The following EXOSC2 variants were observed in gnomAD, a reference collection of about 807,000 sequenced individuals.
EXOSC2 encodes the protein exosome component 2, also known as exosome complex component RRP4.
EXOSC2 carries 29 observed loss-of-function variants against 37.6 expected under a neutral mutation model. That is an observed-to-expected ratio of 0.77 (90% confidence interval 0.57 to 1.05). The LOEUF is 1.05. Ranked by LOEUF, EXOSC2 falls within the 50% of genes least tolerant of loss-of-function variation. The pLI, the probability that EXOSC2 is intolerant of heterozygous loss-of-function variation, is 0.00. For synonymous variants in EXOSC2, 119 were observed against 131.1 expected (o/e 0.91, Z 0.63); for missense variants, 346 against 365.6 (o/e 0.95, Z 0.44).
chr9:130,700,019 T>C (rs1564257412), intron 5 of EXOSC2, among the ~76,000 whole-genome samples: 1 of 152,090 alleles, frequency 6.6e-6, no homozygotes, highest in Non-Finnish European at 1.5e-5. Context: ...TTTTATGTTA[T>C]TTTTTAAATT....
chr9:130,695,664 CCTT>C (rs1364675282), intron 2 of EXOSC2, 71 bp downstream of exon 2: 2 of 1,332,666 alleles, frequency 1.5e-6, no homozygotes, highest in Non-Finnish European at 2.1e-6. Context: ...CCTGCCCCCT[CCTT>C]ATCCCCCACC....
rs1261632847 is a variant in EXOSC2, at chr9:130,694,560, T to A, written c.122+647T>A. On this transcript the variant is annotated intron_variant, in intron 1 of 8. Transcript: ENST00000372358. The surrounding 1 kb of genome is among the most constrained non-coding windows in gnomAD (Gnocchi z 4.0). The stretch of plus-strand genomic sequence containing the variant: ...TAATGAGGATTAAATGAGACAATTA[T>A]GTAAGAAAAGAAGTAAAACCAGCCA... Among the ~76,000 whole-genome samples the A allele has an allele frequency of 6.6e-6, 1 of 152,156 alleles. No homozygotes were observed.
chr9:130,701,608 T>C (rs946812247), intron 6 of EXOSC2: 11 of 986,724 alleles, frequency 1.1e-5, no homozygotes, highest in Non-Finnish European at 1.3e-5. Flanking sequence ...TGCAGTATGC[T>C]GACTTTCACA....
At position 130,694,320 on chromosome 9, in the gene EXOSC2, T is replaced by G. The variant is rs115127365; in HGVS notation, c.122+407T>G. The stretch of plus-strand genomic sequence containing the variant: ...CAGTTTAGAATCCGTAATTGTTCGA[T>G]CTTAGGGCAAACAGTTACATTGTGC... On this transcript the variant is annotated intron_variant, in intron 1 of 8. Transcript: ENST00000372358. The surrounding 1 kb of genome is among the most constrained non-coding windows in gnomAD (Gnocchi z 4.0). 4.1e-3 allele frequency among the ~76,000 whole-genome samples: 622 copies of G among 152,246 alleles called. 7 individuals carry two copies. Among genetic ancestry groups the G allele is most frequent in the African/African-American group, 0.014 (584 of 41,540 alleles).
chr9:130,694,874 TGG>T lies in EXOSC2; in HGVS notation c.123-617_123-616del, dbSNP rs1564254507. 1.1e-4 allele frequency among the ~76,000 whole-genome samples: 17 copies of T among 149,176 alleles called. No individual in the cohort carries two copies. The East Asian group carries it at 3.5e-3, about 31-fold the overall frequency. ...CACGCCACCATGCCTAGCTAATTTT[TGG>T]TTTTTTTTTTTTTTAGTAGAGACAG... On this transcript the variant is annotated intron_variant, in intron 1 of 8. Transcript: ENST00000372358. This position sits in a 1 kb window ranked among gnomAD's most constrained non-coding sequence, Gnocchi z 4.0.
Position 130,702,170 on chromosome 9 carries a change from C to A in EXOSC2, c.532C>A (p.Leu178Met), listed in dbSNP as rs1361350633. 1.9e-6 allele frequency: 3 copies of A among 1,614,118 alleles called. No homozygotes were observed. The highest frequency in any genetic ancestry group is 2.5e-6 in the Non-Finnish European group (3 of 1,180,028). Residue 178 changes from leucine (L) to methionine (M), a missense_variant, in exon 7 of 9, where the codon CTG becomes ATG. Transcript: ENST00000372358. ...GGTTTTGGTCCAGGTTTCCCCCTCC[C>A]TGGTGAAACGGCAGAAGACCCACTT... The part of the protein sequence containing the change: ...QGVLVQVSPS[L>M]VKRQKTHFHD...
chr9:130,702,868 C>T (rs2034001), intron 7 of EXOSC2, among the ~76,000 whole-genome samples, 185 bp from the exon 8 acceptor site: 7,422 of 152,254 alleles, frequency 0.049, 320 homozygotes, highest in African/African-American at 0.12. Context: ...GCTGGGATTA[C>T]AGACATGAGA....
intron 1 of EXOSC2, among the ~76,000 whole-genome samples, chr9:130,695,006 C>G (rs1052422525): frequency 6.6e-6 from 1 of 152,120 alleles, no homozygotes; most frequent in Admixed American, 6.5e-5. Context: ...AGCCACCATG[C>G]CTGGCCCCTA....
chr9:130,697,768 G>A, intron 3 of EXOSC2, 141 bp downstream of exon 3: 1 of 770,252 alleles, frequency 1.3e-6, no homozygotes, highest in Non-Finnish European at 2.2e-6. Context: ...GTAAATATGT[G>A]GCTTGTTCGA....
In EXOSC2 at chr9:130,693,880, G is replaced by T. The variant is rs537467155; in HGVS notation, c.89G>T (p.Gly30Val). The T allele has an allele frequency of 2.4e-5, 38 of 1,611,976 alleles. No homozygotes were observed. Among genetic ancestry groups the T allele is most frequent in the Middle Eastern group, 1.6e-4 (1 of 6,078 alleles). ...ACTAAGAAACATCTAGTGGTGCCGG[G>T]GGATACAATCACTACGGACACAGGA... ...RDTKKHLVVP[G>V]DTITTDTGFM... Residue 30 changes from glycine to valine, a missense_variant, in exon 1 of 9, where the codon GGG becomes GTG. Coordinates refer to ENST00000372358, the MANE Select transcript of EXOSC2 (RefSeq NM_014285.7).
Position 130,703,139 on chromosome 9 carries a change from T to C in EXOSC2, c.759T>C (p.Asp253=). Residue 253 remains aspartate, a synonymous_variant, in exon 8 of 9, where the codon GAT becomes GAC. Coordinates refer to ENST00000372358, the MANE Select transcript of EXOSC2 (RefSeq NM_014285.7). The part of the protein sequence containing the change: ...SLVTQRMMLY[D]TSILYCYEAS... ...TAACTCAGAGGATGATGCTGTATGA[T>C]ACCAGCATCCTGTACTGCTATGAAG... 1 of 1,613,910 alleles carries C rather than the reference T, an allele frequency of 6.2e-7. No homozygotes were observed. Among genetic ancestry groups the C allele is most frequent in the East Asian group, 2.2e-5 (1 of 44,886 alleles).
chr9:130,695,649 C>G (rs755257901), intron 2 of EXOSC2, 56 bp downstream of exon 2: 1 of 1,493,238 alleles, frequency 6.7e-7, no homozygotes, highest in Non-Finnish European at 9.3e-7. Flanking sequence ...TACAACCAGG[C>G]TTTTCCTGCC....
chr9:130,704,544 A>AG lies in EXOSC2; in HGVS notation c.*770_*771insG, dbSNP rs1831285749. On this transcript the variant is annotated 3_prime_UTR_variant, in exon 9 of 9. Transcript: ENST00000372358. Reference sequence around the variant, plus strand: ...GACTGTGTTTCAAAGAAAAAAAAAAACAAGCAGCCTTTTGCTTGGTTGGAA... The same window carrying AG: ...GACTGTGTTTCAAAGAAAAAAAAAAAGCAAGCAGCCTTTTGCTTGGTTGGAA... 1 of 151,878 alleles carries AG rather than the reference A, an allele frequency of 6.6e-6. No individual in the cohort carries two copies. Among genetic ancestry groups the AG allele is most frequent in the Non-Finnish European group, 1.5e-5 (1 of 67,954 alleles). 9.4% of individuals were successfully genotyped at this position (151,878 alleles called of 1,614,324 possible).
intron 8 of EXOSC2, 51 bp downstream of exon 8, chr9:130,703,232 T>G: frequency 6.4e-7 from 1 of 1,572,132 alleles, no homozygotes; most frequent in Non-Finnish European, 8.7e-7. Flanking sequence ...AGCTGCTCTG[T>G]TGTTTGTTCA....
intron 3 of EXOSC2, 114 bp downstream of exon 3, chr9:130,697,741 G>T: frequency 1.0e-6 from 1 of 955,180 alleles, no homozygotes; most frequent in Non-Finnish European, 1.7e-6. Flanking sequence ...GCATTTGGCC[G>T]TTGTGTGGCT....
At position 130,698,540 on chromosome 9, in the gene EXOSC2, CT is replaced by C. The variant is rs1831146570; in HGVS notation, c.360+294del. On this transcript the variant is annotated intron_variant, in intron 4 of 8. Transcript: ENST00000372358. This position sits in a 1 kb window ranked among gnomAD's most constrained non-coding sequence, Gnocchi z 4.1. ...TAGATGCTGGTTGTTAACAGTTTTC[CT>C]TTTTGGATATAACAGCCTTGCATAG... Among the ~76,000 whole-genome samples the C allele has an allele frequency of 1.3e-5, 2 of 152,184 alleles. No homozygotes were observed. The highest frequency in any genetic ancestry group is 4.8e-5 in the African/African-American group (2 of 41,452).
At chr9:130,697,661 C>T (rs375990177) in intron 3 of EXOSC2, 34 bp downstream of exon 3, 10 of 1,606,536 alleles carry the variant, frequency 6.2e-6, no homozygotes, top group South Asian at 1.1e-5. Flanking sequence ...TTTACAAAGT[C>T]GAGGCAGGCT....
rs1338406862 is a variant in EXOSC2 at position 130,698,278 on chromosome 9, C to T, written c.360+27C>T. 8 of 1,607,662 alleles carry T rather than the reference C, an allele frequency of 5.0e-6. No individual in the cohort carries two copies. The highest frequency in any genetic ancestry group is 1.7e-5 in the Admixed American group (1 of 59,996). ...TAAGGGCTACAGCTGGGGCCATGGACTAGGGCCCAGTGGGCTGGGGGGAGC... is the reference window on the plus strand; with the variant it reads ...TAAGGGCTACAGCTGGGGCCATGGATTAGGGCCCAGTGGGCTGGGGGGAGC... On this transcript the variant is annotated intron_variant, in intron 4 of 8. Transcript: ENST00000372358. This position sits in a 1 kb window ranked among gnomAD's most constrained non-coding sequence, Gnocchi z 4.1.
chr9:130,697,456 A>C (rs960155799), intron 2 of EXOSC2, 126 bp from the exon 3 acceptor site: 2 of 849,628 alleles, frequency 2.4e-6, no homozygotes, highest in African/African-American at 3.4e-5. Context: ...ATATAGTTAC[A>C]TGAATTTGCT....
Sources: gnomAD v4.1 joint callset for allele counts (sites outside exome capture counted in the v4.1 genomes callset) on GRCh38, gnomAD v4.1.1 for gene constraint, Gnocchi (gnomAD v3.1) non-coding constraint, MANE v1.5 for transcripts, NCBI Gene and HGNC (gene_info 2026-07-23, HGNC 2026-07-21) for gene names.